NBPF20: variants seen among roughly 807,000 people sequenced by gnomAD.
NBPF20 encodes NBPF member 20, also known as NBPF family member NBPF20.
NBPF20 carries 90 observed loss-of-function variants against 68.1 expected under a neutral mutation model. That is an observed-to-expected ratio of 1.32 (90% CI 1.11 to 1.58). The LOEUF (loss-of-function observed/expected upper bound fraction) is 1.58, where lower values mean the gene tolerates loss of function less well. Among genes scored for constraint, NBPF20 ranks in the 40% most tolerant of loss-of-function variants. NBPF20 has a pLI of 0.00. For missense variants in NBPF20, 816 were observed against 601.2 expected (o/e 1.36, Z -3.74); for synonymous variants, 290 against 228.1 (o/e 1.27, Z -2.45).
the NBPF20 span, among the ~76,000 whole-genome samples, chr1:145,422,372 CCAACA>C: frequency 6.8e-6 from 1 of 147,770 alleles, no homozygotes; most frequent in Non-Finnish European, 1.5e-5. Context: ...CCCTGAATGC[CCAACA>C]CATCTGAATT....
intron 9 of NBPF20, 194 bp downstream of exon 14, chr1:145,393,690 A>T (rs1662058161): frequency 5.6e-6 from 8 of 1,430,182 alleles, no homozygotes; most frequent in East Asian, 2.4e-5. Flanking sequence ...TCACTAGGTT[A>T]GTAAATGATA....
chr1:145,291,709 T>C (rs369217887), exon 138 of NBPF20: 20 of 1,611,728 alleles, frequency 1.2e-5, no homozygotes, highest in Non-Finnish European at 1.7e-5. Flanking sequence ...TAGAATAACA[T>C]CCATCCAGTG....
intron 2 of NBPF20, among the ~76,000 whole-genome samples, 200 bp downstream of exon 7, chr1:145,404,898 C>A (rs1232614956): frequency 1.3e-5 from 2 of 151,174 alleles, no homozygotes; most frequent in African/African-American, 2.5e-5. Context: ...CTAGTCCCAC[C>A]CCCATCTGAT....
the NBPF20 span, among the ~76,000 whole-genome samples, chr1:145,425,594 CG>C: frequency 1.3e-5 from 2 of 152,342 alleles, no homozygotes; most frequent in South Asian, 4.1e-4. Context: ...AGGGTCTCGC[CG>C]GGCGCGTCAA....
At chr1:145,424,789 T>A in the NBPF20 span, among the ~76,000 whole-genome samples, 1 of 152,172 alleles carries the variant, frequency 6.6e-6, no homozygotes, top group Non-Finnish European at 1.5e-5. Flanking sequence ...CCGGAAATCC[T>A]GCGGTGAATT....
At chr1:145,291,863 G>C (rs1160839105) in intron 137 of NBPF20, 94 bp from the exon 143 acceptor site, 5 of 1,600,106 alleles carry the variant, frequency 3.1e-6, no homozygotes, top group African/African-American at 1.4e-5. Flanking sequence ...GAAGTGGTTA[G>C]AAAAGAAAAA....
At chr1:145,396,563 G>T (rs1662250647) in intron 7 of NBPF20, among the ~76,000 whole-genome samples, 1 of 151,484 alleles carries the variant, frequency 6.6e-6, no homozygotes. Context: ...GATTCACCAA[G>T]GTTGAAATGA....
intron 6 of NBPF20, among the ~76,000 whole-genome samples, chr1:145,399,765 A>C (rs1553664811): frequency 8.3e-6 from 1 of 120,366 alleles, no homozygotes; most frequent in African/African-American, 3.5e-5. Context: ...TGACAGAGCA[A>C]GACTCCATCA....
At chr1:145,404,616 C>G (rs1200087022) in intron 2 of NBPF20, among the ~76,000 whole-genome samples, 1 of 152,184 alleles carries the variant, frequency 6.6e-6, no homozygotes, top group South Asian at 2.1e-4. Flanking sequence ...TAGGAGCAGA[C>G]TCCTCTTGAA....
exon 138 of NBPF20, chr1:145,290,662 T>TTTG: frequency 6.6e-6 from 1 of 151,264 alleles, no homozygotes; most frequent in Non-Finnish European, 1.5e-5. Context: ...TCTTCTCCTT[T>TTTG]TTGTTGTGTG....
chr1:145,419,125 GAGGA>G, the NBPF20 span, among the ~76,000 whole-genome samples: 3 of 140,382 alleles, frequency 2.1e-5, no homozygotes, highest in East Asian at 2.2e-4. Flanking sequence ...GGGAGGCAGG[GAGGA>G]AGGGAGGAAG....
At chr1:145,407,604 CTTTTT>C (rs1304463710), upstream of NBPF20, among the ~76,000 whole-genome samples, 5 of 146,082 alleles carry the variant, frequency 3.4e-5, no homozygotes, top group African/African-American at 1.3e-4. Context: ...ATATATTTTT[CTTTTT>C]TAAGTGGCGG....
chr1:145,393,438 C>A (rs1486420921), intron 9 of NBPF20, among the ~76,000 whole-genome samples, 192 bp from the exon 15 acceptor site: 6 of 138,222 alleles, frequency 4.3e-5, no homozygotes, highest in Admixed American at 1.5e-4. Context: ...GAGAGAGACA[C>A]ACACTCACAC....
At chr1:145,417,775 T>C in the NBPF20 span, among the ~76,000 whole-genome samples, 1 of 145,734 alleles carries the variant, frequency 6.9e-6, no homozygotes, top group African/African-American at 2.5e-5. Flanking sequence ...CCTATCAGAA[T>C]GGCTAAAACA....
intron 7 of NBPF20, among the ~76,000 whole-genome samples, chr1:145,398,239 C>A (rs1423433653): frequency 2.6e-5 from 4 of 151,756 alleles, no homozygotes; most frequent in Non-Finnish European, 5.9e-5. Context: ...ACCTAAAAGA[C>A]ATCTACAGAA....
At chr1:145,399,734 G>A (rs1221878510) in intron 6 of NBPF20, among the ~76,000 whole-genome samples, 2 of 130,504 alleles carry the variant, frequency 1.5e-5, no homozygotes, top group Admixed American at 1.7e-4. Flanking sequence ...CCAAGATGGT[G>A]CCACTGCACT....
chr1:145,405,897 G>A (rs1279180785), upstream of NBPF20: 1 of 181,436 alleles, frequency 5.5e-6, no homozygotes, highest in Non-Finnish European at 1.1e-5. Context: ...GAATCATTTA[G>A]TATGTTCTCT....
chr1:145,390,353 C>A (rs1661945750), intron 13 of NBPF20, among the ~76,000 whole-genome samples: 1 of 65,356 alleles, frequency 1.5e-5, no homozygotes, highest in East Asian at 5.2e-4. Context: ...CAGACACACA[C>A]ACAGACACAC....
chr1:145,399,771 C>T (rs1413022577), intron 6 of NBPF20, among the ~76,000 whole-genome samples: 1 of 96,298 alleles, frequency 1.0e-5, no homozygotes, highest in African/African-American at 4.8e-5. Flanking sequence ...AGCAAGACTC[C>T]ATCACAAAAA....
Sources: gnomAD v4.1 joint callset for allele counts (sites outside exome capture counted in the v4.1 genomes callset) on GRCh38, gnomAD v4.1.1 for gene constraint, MANE v1.5 for transcripts, NCBI Gene and HGNC (gene_info 2026-07-23, HGNC 2026-07-21) for gene names.